UBR3: variants seen among roughly 807,000 people sequenced by gnomAD.
UBR3 encodes the protein E3 ubiquitin-protein ligase UBR3.
In UBR3, 85 loss-of-function variants were observed where a neutral mutation model predicts 243.2. The observed-to-expected ratio is 0.35, with a 90% CI of 0.29 to 0.42. UBR3 has a LOEUF of 0.42. UBR3 is among the 10% of genes least tolerant of loss of function. The pLI, the probability that UBR3 is intolerant of heterozygous loss-of-function variation, is 1.00. For synonymous variants in UBR3, 748 were observed against 799.8 expected, an observed-to-expected ratio of 0.94 and a Z score of 1.09; for missense variants, 1,686 against 2,300.8, an observed-to-expected ratio of 0.73 and a Z score of 5.47.
chr2:169,860,872 TC>T, intron 1 of UBR3, among the ~76,000 whole-genome samples: 1 of 152,036 alleles, frequency 6.6e-6, no homozygotes, highest in Non-Finnish European at 1.5e-5. Flanking sequence ...TCAGCCCGAG[TC>T]CCAAAACCTC....
At chr2:170,048,025 T>C (rs1264502781) in intron 32 of UBR3, among the ~76,000 whole-genome samples, 1 of 152,182 alleles carries the variant, frequency 6.6e-6, no homozygotes, top group Admixed American at 6.5e-5. Flanking sequence ...GCTCCTCAAC[T>C]GAACAGATGT....
At chr2:170,013,807 A>G (rs1574397387) in intron 29 of UBR3, 2 of 409,190 alleles carry the variant, frequency 4.9e-6, no homozygotes, top group South Asian at 1.9e-5. Flanking sequence ...CTTAGTTTTT[A>G]TAAGAGAATA....
At position 170,073,505 on chromosome 2, in the gene UBR3, C is replaced by G. The variant is rs750602485; in HGVS notation, c.5097C>G (p.Ile1699Met). The G allele has an allele frequency of 6.2e-7, 1 of 1,613,856 alleles. No homozygotes were observed. The highest frequency in any genetic ancestry group is 1.1e-5 in the South Asian group (1 of 91,072). Residue 1699 changes from isoleucine (I) to methionine (M), a missense_variant, in exon 36 of 39, where the codon ATC (isoleucine) becomes ATG (methionine). Physicochemically the swap from Ile to Met is conservative, Grantham distance 10. Transcript: ENST00000272793. ...TTTACCAAACAGAACATCCATTCAT[C>G]AGTGCCTCCTGTCTGGATTGGCCAG... ...PTFYQTEHPF[I>M]SASCLDWPVP...
At chr2:169,837,367 T>C (rs1366480777) in intron 1 of UBR3, among the ~76,000 whole-genome samples, 1 of 152,170 alleles carries the variant, frequency 6.6e-6, no homozygotes, top group Non-Finnish European at 1.5e-5. Context: ...TCCCAGCTTC[T>C]CGGGAGGCTG....
chr2:169,859,946 T>TCA (rs1408792919), intron 1 of UBR3, among the ~76,000 whole-genome samples: 1 of 152,102 alleles, frequency 6.6e-6, no homozygotes, highest in Non-Finnish European at 1.5e-5. Flanking sequence ...CTGGATCTCC[T>TCA]GACCTTGTGA....
intron 4 of UBR3, 90 bp from the exon 5 acceptor site, chr2:169,878,435 C>T (rs1051398285): frequency 7.7e-7 from 1 of 1,300,632 alleles, no homozygotes; most frequent in African/African-American, 1.5e-5. Context: ...CAAAACTTAG[C>T]TTTTTGATAT....
chr2:170,048,874 A>G (rs2091151811), intron 32 of UBR3, among the ~76,000 whole-genome samples: 1 of 152,222 alleles, frequency 6.6e-6, no homozygotes, highest in African/African-American at 2.4e-5. Flanking sequence ...TCACACCTTA[A>G]ATAGTAAAAG....
At chr2:169,965,436 A>G (rs2087761620) in intron 24 of UBR3, among the ~76,000 whole-genome samples, 2 of 152,318 alleles carry the variant, frequency 1.3e-5, no homozygotes, top group Admixed American at 6.5e-5. Flanking sequence ...GAAACTAACC[A>G]TGGGTAGTAT....
rs370756944 is a variant in UBR3, at chr2:170,012,208, T to G, written c.4368-3073T>G. Among the ~76,000 whole-genome samples, 22 of 152,292 alleles carry G rather than the reference T, an allele frequency of 1.4e-4. No homozygotes were observed. The South Asian group carries it at 4.6e-3, about 32-fold the overall frequency. On this transcript the variant is annotated intron_variant, in intron 29 of 38. Coordinates refer to ENST00000272793, the MANE Select transcript of UBR3 (RefSeq NM_172070.4). ...TTTAAAAAAACAAAAAATTCTTTCC[T>G]AAAACAATCCTTTTTTGGGGCTTGG...
At chr2:169,937,098 C>G (rs1295355438) in intron 19 of UBR3, among the ~76,000 whole-genome samples, 6 of 152,222 alleles carry the variant, frequency 3.9e-5, no homozygotes, top group African/African-American at 1.4e-4. Flanking sequence ...AATCACCACA[C>G]TGACTTCCAC....
intron 1 of UBR3, among the ~76,000 whole-genome samples, chr2:169,850,426 G>A (rs113299919): frequency 2.8e-4 from 43 of 152,176 alleles, no homozygotes; most frequent in South Asian, 1.0e-3. Context: ...GGATCCTCCC[G>A]TCTCCTCCTA....
intron 23 of UBR3, 128 bp downstream of exon 23, chr2:169,950,193 A>G (rs1425672617): frequency 2.4e-6 from 2 of 844,428 alleles, no homozygotes; most frequent in African/African-American, 3.4e-5. Context: ...AGTTTGTAAC[A>G]TAAATGGAAT....
intron 1 of UBR3, among the ~76,000 whole-genome samples, chr2:169,843,586 A>G (rs2082368900): frequency 1.3e-5 from 2 of 152,242 alleles, no homozygotes; most frequent in South Asian, 4.1e-4. Flanking sequence ...TGTATGTAGT[A>G]TTACACATGG....
At chr2:170,058,755 A>G (rs977281602) in intron 33 of UBR3, among the ~76,000 whole-genome samples, 9 of 151,988 alleles carry the variant, frequency 5.9e-5, no homozygotes, top group African/African-American at 9.7e-5. Context: ...GCCTCAAGCA[A>G]TCCTCCCACC....
At chr2:169,851,899 A>G (rs745346626) in intron 1 of UBR3, among the ~76,000 whole-genome samples, 27 of 151,464 alleles carry the variant, frequency 1.8e-4, no homozygotes, top group Non-Finnish European at 3.7e-4. Flanking sequence ...TCTGAATTGG[A>G]GTGTGCACCG....
intron 35 of UBR3, among the ~76,000 whole-genome samples, chr2:170,072,015 G>A (rs964490157): frequency 3.9e-5 from 6 of 152,128 alleles, no homozygotes; most frequent in African/African-American, 1.4e-4. Flanking sequence ...TCAGTGTGGC[G>A]ATTCCTCAGG....
At chr2:170,001,481 A>C in intron 27 of UBR3, 67 bp downstream of exon 27, 2 of 916,268 alleles carry the variant, frequency 2.2e-6, no homozygotes, top group South Asian at 2.8e-5. Flanking sequence ...TTTTTATAGT[A>C]TATACATCCC....
intron 26 of UBR3, among the ~76,000 whole-genome samples, chr2:169,996,998 C>T (rs1013807944): frequency 6.6e-6 from 1 of 151,814 alleles, no homozygotes; most frequent in African/African-American, 2.4e-5. Context: ...CATGCCCGGC[C>T]TGCTTTGGAT....
Position 169,827,457 on chromosome 2 carries a change from C to T in UBR3, c.-51C>T, listed in dbSNP as rs2081773345. ...AATCGCAGCAGTCTATTCCCTCACTCTCCCTGGAGGAGCCGCTGGCCCTGG... is the reference window on the plus strand; with the variant it reads ...AATCGCAGCAGTCTATTCCCTCACTTTCCCTGGAGGAGCCGCTGGCCCTGG... On this transcript the variant is annotated 5_prime_UTR_variant, in exon 1 of 39. Transcript: ENST00000272793. The T allele has an allele frequency of 3.3e-6, 4 of 1,217,552 alleles. No individual in the cohort carries two copies. Among genetic ancestry groups the T allele is most frequent in the Non-Finnish European group, 4.1e-6 (4 of 978,742 alleles). The allele number at this position is 1,217,552 out of a possible 1,614,324, so 75.4% of individuals were successfully genotyped here. A position where few individuals can be genotyped will look rare whatever the true frequency, so the allele number is the denominator to read the frequency against.
Sources: gnomAD v4.1 joint callset for allele counts (sites outside exome capture counted in the v4.1 genomes callset) on GRCh38, gnomAD v4.1.1 for gene constraint, MANE v1.5 for transcripts, NCBI Gene and HGNC (gene_info 2026-07-23, HGNC 2026-07-21) for gene names.